Variants in RBM4 observed in about 807,000 individuals in gnomAD.
The protein encoded by RBM4 is RNA-binding protein 4.
A neutral mutation model predicts 29.5 loss-of-function variants in RBM4; 7 were observed. The observed-to-expected ratio is 0.24, with a 90% CI of 0.14 to 0.45. The LOEUF is 0.45. Among genes scored for constraint, RBM4 ranks in the 20% least tolerant of loss-of-function variants. The pLI is 1.00. For synonymous variants in RBM4, 220 were observed against 205.4 expected (o/e 1.07, Z -0.61); for missense variants, 387 against 502.3 (o/e 0.77, Z 2.19).
Position 66,646,393 on chromosome 11 carries a change from T to C in RBM4, c.*375T>C, listed in dbSNP as rs1230821489. ...AGAGTCTCACTGCTCCAGGGTCTCT[T>C]TTTGGTCCAAAGGCTAGACCTATAG... On this transcript the variant is annotated 3_prime_UTR_variant, in exon 4 of 4. Coordinates refer to ENST00000310092, the MANE Select transcript of RBM4 (RefSeq NM_002896.4). The C allele has an allele frequency of 2.1e-5, 24 of 1,135,552 alleles. No homozygotes were observed. Among genetic ancestry groups the C allele is most frequent in the South Asian group, 3.2e-5 (1 of 31,474 alleles). The allele number at this position is 1,135,552 out of a possible 1,614,324, so 70.3% of individuals were successfully genotyped here. A position where few individuals can be genotyped will look rare whatever the true frequency, so the allele number is the denominator to read the frequency against.
At chr11:66,651,443 G>A (rs1938829603), downstream of RBM4, among the ~76,000 whole-genome samples, 2 of 151,946 alleles carry the variant, frequency 1.3e-5, no homozygotes. Flanking sequence ...CACCTCCCGG[G>A]TTCACGCCAT....
intron 2 of RBM4, chr11:66,640,447 A>C: frequency 1.9e-6 from 1 of 518,586 alleles, no homozygotes; most frequent in East Asian, 3.0e-5. Flanking sequence ...GTAGTAGAGC[A>C]CAGTTCAGAG....
intron 3 of RBM4, 26 bp downstream of exon 3, chr11:66,644,166 T>G: frequency 6.3e-7 from 1 of 1,582,638 alleles, no homozygotes; most frequent in African/African-American, 1.3e-5. Flanking sequence ...TGTTCCCTCT[T>G]CTGGTTTTGC....
chr11:66,655,884 A>C (rs1938939650), intron 2 of RBM4, among the ~76,000 whole-genome samples: 1 of 152,200 alleles, frequency 6.6e-6, no homozygotes, highest in South Asian at 2.1e-4. Context: ...TTTTTTAAAA[A>C]ATCAGCTTTT....
In RBM4 at chr11:66,640,153, A is replaced by T. The variant is rs747588717; in HGVS notation, c.412+30A>T. ...ACCACCCTCTTTGGGTAGAGGGCTG[A>T]ACACAAGGCTGTGTGCAGAAAATGG... On this transcript the variant is annotated intron_variant, in intron 2 of 3. Coordinates refer to ENST00000310092, the MANE Select transcript of RBM4 (RefSeq NM_002896.4). 2.5e-6 allele frequency: 4 copies of T among 1,612,772 alleles called. No homozygotes were observed. In the South Asian group the frequency reaches 4.4e-5, roughly 18 times the overall value.
At chr11:66,642,890 C>A (rs1938529935) in intron 2 of RBM4, among the ~76,000 whole-genome samples, 2 of 152,222 alleles carry the variant, frequency 1.3e-5, no homozygotes, top group Admixed American at 6.5e-5. Context: ...CTCCCCAGTT[C>A]ATGAGGGTTT....
intron 2 of RBM4, among the ~76,000 whole-genome samples, chr11:66,655,137 C>T (rs749822081): frequency 3.3e-5 from 5 of 152,106 alleles, no homozygotes; most frequent in Non-Finnish European, 7.3e-5. Context: ...AGGCATGCAC[C>T]ACCACGCCTG....
At chr11:66,663,976 A>G (rs778708929) in intron 2 of RBM4, among the ~76,000 whole-genome samples, 4 of 151,870 alleles carry the variant, frequency 2.6e-5, no homozygotes, top group Non-Finnish European at 5.9e-5. Flanking sequence ...CTAACTTCCT[A>G]CCACCTATTA....
At chr11:66,666,253 A>G (rs1939228237) in exon 3 of RBM4, 5 of 1,002,546 alleles carry the variant, frequency 5.0e-6, no homozygotes, top group South Asian at 5.9e-5. Context: ...TGGCTGGGGG[A>G]AAAAAAAAGT....
At chr11:66,653,793 G>A (rs1412318600) in intron 2 of RBM4, among the ~76,000 whole-genome samples, 1 of 151,092 alleles carries the variant, frequency 6.6e-6, no homozygotes, top group Non-Finnish European at 1.5e-5. Context: ...TTATACATGG[G>A]TTTTCTTTTT....
Position 66,646,319 on chromosome 11 carries a change from C to T in RBM4, c.*301C>T. On this transcript the variant is annotated 3_prime_UTR_variant, in exon 4 of 4. Coordinates refer to ENST00000310092, the MANE Select transcript of RBM4 (RefSeq NM_002896.4). ...TGTGGTGGGGGCTGTGCTGTCTCCT[C>T]CCTGCCTCCTGCCTCCTGCGGCTGT... is the stretch of plus-strand genomic sequence containing the variant. 7.7e-7 allele frequency: 1 copy of T among 1,302,430 alleles called. No homozygotes were observed. The highest frequency in any genetic ancestry group is 9.8e-7 in the Non-Finnish European group (1 of 1,021,542). The allele number at this position is 1,302,430 out of a possible 1,614,324, so 80.7% of individuals were successfully genotyped here. A position where few individuals can be genotyped will look rare whatever the true frequency, so the allele number is the denominator to read the frequency against.
At chr11:66,664,522 G>GCA (rs1434616512) in intron 2 of RBM4, among the ~76,000 whole-genome samples, 1 of 151,778 alleles carries the variant, frequency 6.6e-6, no homozygotes, top group African/African-American at 2.4e-5. Context: ...GTGCAATGGT[G>GCA]CAATCTTGGC....
chr11:66,667,000 A>C (rs1387409205), exon 3 of RBM4: 2 of 151,960 alleles, frequency 1.3e-5, no homozygotes, highest in Non-Finnish European at 2.9e-5. Context: ...CCTGGGCTCA[A>C]GGGATCCTCC....
At chr11:66,664,846 A>C (rs935857300) in intron 2 of RBM4, among the ~76,000 whole-genome samples, 1 of 152,106 alleles carries the variant, frequency 6.6e-6, no homozygotes, top group Non-Finnish European at 1.5e-5. Context: ...TGACCTGCCC[A>C]CCTCAACCTC....
intron 2 of RBM4, chr11:66,652,314 C>G (rs1391402064): frequency 6.6e-6 from 1 of 152,096 alleles, no homozygotes. Flanking sequence ...AGGATGGTCT[C>G]GATCTCCTGA....
At chr11:66,652,669 C>T (rs1406881342) in intron 2 of RBM4, among the ~76,000 whole-genome samples, 1 of 152,150 alleles carries the variant, frequency 6.6e-6, no homozygotes, top group Admixed American at 6.5e-5. Flanking sequence ...GGAATAGGGA[C>T]TCGTGTTACT....
chr11:66,640,444 A>G (rs2135054634), intron 2 of RBM4: 1 of 519,714 alleles, frequency 1.9e-6, no homozygotes, highest in Non-Finnish European at 3.4e-6. Flanking sequence ...TTTGTAGTAG[A>G]GCACAGTTCA....
Position 66,646,038 on chromosome 11 carries a change from G to A in RBM4, c.*20G>A, listed in dbSNP as rs1478786925. On this transcript the variant is annotated 3_prime_UTR_variant, in exon 4 of 4. Coordinates refer to ENST00000310092, the MANE Select transcript of RBM4 (RefSeq NM_002896.4). Reference sequence around the variant, plus strand: ...GTGCTCTCTTTCAGGTGGGATGTGTGTGGGCTGAAATTCCGAGCTGCGGTT... The same window carrying A: ...GTGCTCTCTTTCAGGTGGGATGTGTATGGGCTGAAATTCCGAGCTGCGGTT... 3 of 1,536,164 alleles carry A rather than the reference G, an allele frequency of 2.0e-6. No individual in the cohort carries two copies. The highest frequency in any genetic ancestry group is 2.6e-6 in the Non-Finnish European group (3 of 1,146,924).
intron 3 of RBM4, 80 bp from the exon 4 acceptor site, chr11:66,645,946 CT>C (rs1708619351): frequency 3.9e-6 from 6 of 1,534,604 alleles, no homozygotes; most frequent in South Asian, 3.6e-5. Flanking sequence ...AGTTATCAGA[CT>C]TTGTAAAGAT....
Sources: gnomAD v4.1 joint callset for allele counts (sites outside exome capture counted in the v4.1 genomes callset) on GRCh38, gnomAD v4.1.1 for gene constraint, MANE v1.5 for transcripts, NCBI Gene and HGNC (gene_info 2026-07-23, HGNC 2026-07-21) for gene names.